COX17: variants seen among roughly 807,000 people sequenced by gnomAD.
COX17 encodes cytochrome c oxidase copper chaperone COX17, also known as cytochrome c oxidase copper chaperone.
A neutral mutation model predicts 6.3 loss-of-function variants in COX17; 1 was observed. The ratio of observed to expected loss-of-function variants is 0.16; its 90% CI spans 0.06 to 0.75. COX17 has a LOEUF of 0.75. Ranked by LOEUF, COX17 falls within the 30% of genes least tolerant of loss-of-function variation. COX17 has a pLI of 0.77. For synonymous variants in COX17, 26 were observed against 30.5 expected (o/e 0.85, Z 0.49); for missense variants, 73 against 81.2 (o/e 0.90, Z 0.39).
chr3:119,677,218 CT>C lies in COX17; in HGVS notation c.92del (p.Lys31ArgfsTer18), dbSNP rs1396257304. On this transcript the variant is annotated frameshift_variant, in exon 1 of 3. Coordinates refer to ENST00000261070, the MANE Select transcript of COX17 (RefSeq NM_005694.2). LOFTEE classifies it high-confidence loss of function. ...KPCCACPETK[K>X]ARDACIIEKG... is the part of the protein sequence containing the mutation. Reference sequence around the variant, plus strand: ...TGCGCACTGACCACGCATCGCGCGCCTTCTTGGTCTCCGGGCAAGCGCAGCA... The same window carrying C: ...TGCGCACTGACCACGCATCGCGCGCCTCTTGGTCTCCGGGCAAGCGCAGCA... 1 of 1,611,256 alleles carries C rather than the reference CT, an allele frequency of 6.2e-7. No individual in the cohort carries two copies. The highest frequency in any genetic ancestry group is 8.5e-7 in the Non-Finnish European group (1 of 1,179,726).
downstream of COX17, among the ~76,000 whole-genome samples, chr3:119,664,675 G>C (rs1217119226): frequency 6.6e-6 from 1 of 152,116 alleles, no homozygotes; most frequent in East Asian, 1.9e-4. Context: ...TGTCCATGCT[G>C]GTTCATGCTG....
intron 1 of COX17, among the ~76,000 whole-genome samples, chr3:119,676,155 G>C (rs894578237): frequency 6.6e-6 from 1 of 152,190 alleles, no homozygotes; most frequent in African/African-American, 2.4e-5. Context: ...GAGGCTCAAG[G>C]TCACCAAGTT....
chr3:119,664,885 C>T (rs1237685471), downstream of COX17, among the ~76,000 whole-genome samples: 1 of 152,150 alleles, frequency 6.6e-6, no homozygotes, highest in Non-Finnish European at 1.5e-5. Context: ...GTTTGAGAAA[C>T]ACTGAGCTTG....
chr3:119,674,275 A>T (rs1215676335), intron 2 of COX17: 2 of 152,334 alleles, frequency 1.3e-5, no homozygotes, highest in African/African-American at 2.4e-5. Flanking sequence ...CTGGGAAGTG[A>T]GGAGCACCTC....
rs2053116681 is a variant in COX17, at chr3:119,677,328, G to C, written c.-18C>G. 1 of 1,602,810 alleles carries C rather than the reference G, an allele frequency of 6.2e-7. No homozygotes were observed. The highest frequency in any genetic ancestry group is 2.2e-5 in the East Asian group (1 of 44,722). ...CCCGGCATCTTTCGCGCCAAAAGCA[G>C]CTATGAGCGGAGACAGCCAAATCTA... On this transcript the variant is annotated 5_prime_UTR_variant, in exon 1 of 3. Coordinates refer to ENST00000261070, the MANE Select transcript of COX17 (RefSeq NM_005694.2).
At chr3:119,667,660 CAAAAA>C (rs71156763), downstream of COX17, among the ~76,000 whole-genome samples, 1 of 114,136 alleles carries the variant, frequency 8.8e-6, no homozygotes. Context: ...TCAGAGTAGC[CAAAAA>C]AAAAAAAAGA....
At chr3:119,669,869 CATG>C (rs1404529461) in intron 2 of COX17, among the ~76,000 whole-genome samples, 22 of 152,148 alleles carry the variant, frequency 1.4e-4, no homozygotes, top group African/African-American at 3.9e-4. Flanking sequence ...TGAAATTATT[CATG>C]ATATTATTTA....
At chr3:119,676,262 A>G (rs2053098144) in intron 1 of COX17, among the ~76,000 whole-genome samples, 1 of 152,252 alleles carries the variant, frequency 6.6e-6, no homozygotes, top group Non-Finnish European at 1.5e-5. Context: ...TACCACTGGA[A>G]CAATTTGTTC....
chr3:119,671,820 A>G (rs1025727673), intron 2 of COX17, among the ~76,000 whole-genome samples: 1 of 152,166 alleles, frequency 6.6e-6, no homozygotes, highest in African/African-American at 2.4e-5. Context: ...TCCACTCCTA[A>G]CTTGAGCAAG....
At chr3:119,676,925 A>T (rs1401928857) in intron 1 of COX17, 6 of 694,408 alleles carry the variant, frequency 8.6e-6, no homozygotes, top group Non-Finnish European at 1.3e-5. Context: ...GTTTCCCGGT[A>T]CTAAGCTACG....
downstream of COX17, among the ~76,000 whole-genome samples, chr3:119,668,546 T>C (rs1477926253): frequency 7.3e-6 from 1 of 137,852 alleles, no homozygotes; most frequent in Non-Finnish European, 1.6e-5. Flanking sequence ...CTTCTATACC[T>C]TTTTTTTTTT....
At chr3:119,675,020 A>G in intron 2 of COX17, 125 bp downstream of exon 2, 2 of 662,062 alleles carry the variant, frequency 3.0e-6, no homozygotes, top group Non-Finnish European at 5.3e-6. Context: ...CTGAAAAATC[A>G]TGGTTTTTTC....
Position 119,676,815 on chromosome 3 carries a change from C to T in COX17, c.107+389G>A, listed in dbSNP as rs523476. The stretch of plus-strand genomic sequence containing the variant: ...GATGCATCTTTATCCATGTCTACAT[C>T]TTCGGACCTAACGCAGTGCTTAACC... On this transcript the variant is annotated intron_variant, in intron 1 of 2. Coordinates refer to ENST00000261070, the MANE Select transcript of COX17 (RefSeq NM_005694.2). 1.1e-4 allele frequency: 78 copies of T among 702,168 alleles called. 1 individual carries two copies. In the South Asian group the frequency reaches 1.1e-3, roughly 10 times the overall value. 43.5% of individuals were successfully genotyped at this position (702,168 alleles called of 1,614,324 possible).
At chr3:119,674,429 A>G (rs1468988344) in intron 2 of COX17, 2 of 152,198 alleles carry the variant, frequency 1.3e-5, no homozygotes, top group Admixed American at 1.3e-4. Context: ...TTTTATTCGA[A>G]TAAAGCATGC....
At chr3:119,668,422 A>C (rs1432630333), downstream of COX17, among the ~76,000 whole-genome samples, 1 of 152,206 alleles carries the variant, frequency 6.6e-6, no homozygotes, top group Non-Finnish European at 1.5e-5. Context: ...TATCCAAATG[A>C]ATATTCAAGT....
intron 2 of COX17, among the ~76,000 whole-genome samples, chr3:119,672,435 TTG>T (rs1362269000): frequency 6.6e-6 from 1 of 152,246 alleles, no homozygotes; most frequent in Non-Finnish European, 1.5e-5. Flanking sequence ...AGATAAGCTT[TTG>T]ATATTCCTAA....
chr3:119,675,973 G>A (rs2053095080), intron 1 of COX17, among the ~76,000 whole-genome samples: 1 of 152,236 alleles, frequency 6.6e-6, no homozygotes, highest in Admixed American at 6.5e-5. Context: ...AGAGCTGCCT[G>A]CAAATGGGAG....
downstream of COX17, among the ~76,000 whole-genome samples, chr3:119,668,868 A>G (rs957963130): frequency 6.6e-6 from 1 of 152,084 alleles, no homozygotes; most frequent in African/African-American, 2.4e-5. Context: ...GAGGATGACA[A>G]GGTTGCTATA....
chr3:119,675,151 A>G lies in COX17; in HGVS notation c.190T>C (p.Ter64ArgextTer8), dbSNP rs768798403. The change falls in exon 2 of 3, where the codon TGA (stop) becomes CGA (arginine). Residue 64 changes from the stop codon to arginine (R), a stop_lost. Transcript: ENST00000261070. ...TTTGAAGCAAGAAGCTTACCATTTC[A>G]TATTTTAAATCCTAGGGCTCTCATG... ...ECMRALGFKI[*>R] 1 of 1,607,924 alleles carries G rather than the reference A, an allele frequency of 6.2e-7. No individual in the cohort carries two copies. The highest frequency in any genetic ancestry group is 8.5e-7 in the Non-Finnish European group (1 of 1,174,688).
Sources: gnomAD v4.1 joint callset for allele counts (sites outside exome capture counted in the v4.1 genomes callset) on GRCh38, gnomAD v4.1.1 for gene constraint, MANE v1.5 for transcripts, NCBI Gene and HGNC (gene_info 2026-07-23, HGNC 2026-07-21) for gene names.